The following COL22A1 variants were observed in gnomAD, a reference collection of about 807,000 sequenced individuals.
COL22A1 encodes the protein collagen alpha-1(XXII) chain.
Under a neutral mutation model 248.9 loss-of-function variants are expected in COL22A1, and 221 were observed. That is an observed-to-expected ratio of 0.89 (90% CI 0.80 to 0.99). The LOEUF (loss-of-function observed/expected upper bound fraction) is 0.99. COL22A1 is among the 50% of genes least tolerant of loss of function. The pLI is 0.00. For missense variants in COL22A1, 2,240 were observed against 2,179.0 expected (o/e 1.03, Z -0.56); for synonymous variants, 891 against 793.4 (o/e 1.12, Z -2.07).
chr8:138,760,181 G>A (rs912315233), intron 18 of COL22A1, 62 bp downstream of exon 18: 211 of 1,388,164 alleles, frequency 1.5e-4, no homozygotes, highest in Non-Finnish European at 1.3e-4. Context: ...TTGCCAAGGC[G>A]GGCAGTCCCC....
chr8:138,661,752 C>G (rs904703279), intron 43 of COL22A1, among the ~76,000 whole-genome samples: 5 of 151,924 alleles, frequency 3.3e-5, no homozygotes, highest in African/African-American at 1.2e-4. Flanking sequence ...AAGACATTGA[C>G]CAAGAAATTA....
intron 9 of COL22A1, 55 bp from the exon 10 acceptor site, chr8:138,807,867 C>G: frequency 1.9e-6 from 3 of 1,566,062 alleles, no homozygotes; most frequent in Non-Finnish European, 2.6e-6. Context: ...TTCCCTTTCT[C>G]TCAACACTGG....
chr8:138,706,977 T>C (rs893445335), intron 30 of COL22A1, among the ~76,000 whole-genome samples: 1 of 152,144 alleles, frequency 6.6e-6, no homozygotes, highest in African/African-American at 2.4e-5. Flanking sequence ...CGCACAGAAA[T>C]ACAAACTACC....
At position 138,655,885 on chromosome 8, in the gene COL22A1, G is replaced by T. The variant is rs202081337; in HGVS notation, c.3333+12C>A. 379 of 1,603,808 alleles carry T rather than the reference G, an allele frequency of 2.4e-4. 1 individual carries two copies. The African/African-American group carries it at 4.6e-3, about 20-fold the overall frequency. ...TTTTCAAAACACATGCGCATTTATT[G>T]TATGCTTTTACCTTAGCCAAGAGAT... On this transcript the variant is annotated intron_variant, in intron 45 of 64. Transcript: ENST00000303045.
At chr8:138,807,511 A>C (rs2131673174) in intron 10 of COL22A1, among the ~76,000 whole-genome samples, 1 of 152,364 alleles carries the variant, frequency 6.6e-6, no homozygotes, top group South Asian at 2.1e-4. Flanking sequence ...GGAGCAAATG[A>C]GACCTGAGCC....
intron 1 of COL22A1, among the ~76,000 whole-genome samples, chr8:138,883,937 A>G (rs1346616359): frequency 1.3e-5 from 2 of 152,144 alleles, no homozygotes; most frequent in East Asian, 3.9e-4. Flanking sequence ...ATATGGCATG[A>G]GGGCCTGCCA....
At chr8:138,611,469 C>T (rs1342223532) in intron 56 of COL22A1, among the ~76,000 whole-genome samples, 6 of 152,330 alleles carry the variant, frequency 3.9e-5, no homozygotes, top group South Asian at 2.1e-4. Context: ...GTCAGAACCA[C>T]CCCACTCCTG....
At chr8:138,742,370 GTGA>G (rs202137276) in intron 22 of COL22A1, among the ~76,000 whole-genome samples, 102 of 152,038 alleles carry the variant, frequency 6.7e-4, no homozygotes, top group African/African-American at 2.3e-3. Context: ...GGAGTTGATG[GTGA>G]TGATGATGGT....
At chr8:138,891,075 A>T (rs1380233556) in intron 1 of COL22A1, among the ~76,000 whole-genome samples, 1 of 152,224 alleles carries the variant, frequency 6.6e-6, no homozygotes, top group African/African-American at 2.4e-5. Flanking sequence ...ATGCAAAAAG[A>T]AAACTAGGAA....
intron 3 of COL22A1, among the ~76,000 whole-genome samples, chr8:138,868,146 C>T (rs2131994033): frequency 6.6e-6 from 1 of 152,320 alleles, no homozygotes; most frequent in Non-Finnish European, 1.5e-5. Context: ...TTCACTGATG[C>T]TTTTAGACCT....
chr8:138,889,670 C>A (rs1301145025), intron 1 of COL22A1, among the ~76,000 whole-genome samples: 2 of 152,106 alleles, frequency 1.3e-5, no homozygotes, highest in East Asian at 3.9e-4. Context: ...ATGTAACTAA[C>A]CTGCACATTG....
chr8:138,630,592 G>T, intron 50 of COL22A1, 103 bp downstream of exon 50: 1 of 943,640 alleles, frequency 1.1e-6, no homozygotes, highest in Non-Finnish European at 1.7e-6. Context: ...AAATATGTGA[G>T]CCACAGGAGG....
At chr8:138,889,366 C>T (rs951003564) in intron 1 of COL22A1, among the ~76,000 whole-genome samples, 4 of 152,146 alleles carry the variant, frequency 2.6e-5, no homozygotes, top group Non-Finnish European at 5.9e-5. Flanking sequence ...GTATACACCA[C>T]GGAATAATAT....
At chr8:138,711,760 G>C (rs151177411) in intron 30 of COL22A1, among the ~76,000 whole-genome samples, 248 of 152,266 alleles carry the variant, frequency 1.6e-3, no homozygotes, top group Non-Finnish European at 2.6e-3. Flanking sequence ...AGTAAACTTG[G>C]GAGAATGGGG....
intron 30 of COL22A1, among the ~76,000 whole-genome samples, chr8:138,707,728 G>T (rs900405252): frequency 3.9e-5 from 6 of 152,226 alleles, no homozygotes; most frequent in African/African-American, 1.4e-4. Flanking sequence ...ACTGGCACAA[G>T]ATAGGGATGC....
intron 3 of COL22A1, among the ~76,000 whole-genome samples, chr8:138,844,893 T>A (rs918050835): frequency 7.1e-6 from 1 of 140,550 alleles, no homozygotes; most frequent in Non-Finnish European, 1.5e-5. Context: ...GAGCTTGCAG[T>A]GAGCTGAGAT....
chr8:138,840,552 C>T (rs973612800), intron 4 of COL22A1, among the ~76,000 whole-genome samples: 1 of 151,100 alleles, frequency 6.6e-6, no homozygotes, highest in Non-Finnish European at 1.5e-5. Flanking sequence ...CACACACACA[C>T]ACACACGCGC....
At chr8:138,657,732 G>A (rs2130638800) in intron 44 of COL22A1, among the ~76,000 whole-genome samples, 1 of 152,214 alleles carries the variant, frequency 6.6e-6, no homozygotes, top group East Asian at 1.9e-4. Context: ...AGAGAACAGT[G>A]GACAGTGTGG....
intron 1 of COL22A1, among the ~76,000 whole-genome samples, chr8:138,898,771 C>T (rs1432296212): frequency 1.3e-5 from 2 of 152,240 alleles, no homozygotes; most frequent in East Asian, 1.9e-4. Flanking sequence ...GCAGGTCTGC[C>T]AATACCTCCC....
Sources: gnomAD v4.1 joint callset for allele counts (sites outside exome capture counted in the v4.1 genomes callset) on GRCh38, gnomAD v4.1.1 for gene constraint, MANE v1.5 for transcripts, NCBI Gene and HGNC (gene_info 2026-07-23, HGNC 2026-07-21) for gene names.